The following CAMK1D variants were observed in gnomAD, a reference collection of about 807,000 sequenced individuals.
CAMK1D encodes calcium/calmodulin-dependent protein kinase type 1D.
In CAMK1D, 9 loss-of-function variants were observed where a neutral mutation model predicts 47.7. The ratio of observed to expected loss-of-function variants is 0.19; its 90% CI spans 0.11 to 0.33. The LOEUF (loss-of-function observed/expected upper bound fraction) is 0.33. CAMK1D is among the 10% of genes least tolerant of loss of function. The pLI is 1.00. For missense variants in CAMK1D, 291 were observed against 488.7 expected, an observed-to-expected ratio of 0.60 and a Z score of 3.81; for synonymous variants, 184 against 184.9, an observed-to-expected ratio of 0.99 and a Z score of 0.04.
chr10:12,672,899 T>G (rs1439421744), intron 3 of CAMK1D, among the ~76,000 whole-genome samples: 4 of 147,710 alleles, frequency 2.7e-5, no homozygotes, highest in Non-Finnish European at 4.5e-5. Context: ...GGCTTGCCTT[T>G]TTTTTTTTTT....
chr10:12,786,539 A>AT (rs1415111073), intron 5 of CAMK1D, among the ~76,000 whole-genome samples: 1 of 152,074 alleles, frequency 6.6e-6, no homozygotes, highest in Non-Finnish European at 1.5e-5. Context: ...AATCTTATGT[A>AT]TTTTTTTATT....
chr10:12,817,030 G>A (rs1832827487), intron 8 of CAMK1D, among the ~76,000 whole-genome samples: 1 of 152,110 alleles, frequency 6.6e-6, no homozygotes, highest in Non-Finnish European at 1.5e-5. Context: ...GATGGGAGCA[G>A]GCAAAAAGAG....
At position 12,574,468 on chromosome 10, in the gene CAMK1D, ATTTTTTTTTTTTTT is replaced by A. The variant is rs1171556305; in HGVS notation, c.224+21128_224+21141del. ...AGGTGCACACCACCACGCCTAGCTAATTTTTTTTTTTTTTTTTTTTTTTTTTTTTAGTAGAGACG... is the reference window on the plus strand; with the variant it reads ...AGGTGCACACCACCACGCCTAGCTAATTTTTTTTTTTTTTTAGTAGAGACG... On this transcript the variant is annotated intron_variant, in intron 2 of 10. Transcript: ENST00000619168. Among the ~76,000 whole-genome samples, 16 of 61,378 alleles carry A rather than the reference ATTTTTTTTTTTTTT, an allele frequency of 2.6e-4. 1 individual carries two copies. The highest frequency in any genetic ancestry group is 3.2e-4 in the Non-Finnish European group (11 of 34,776). 40.3% of individuals were successfully genotyped at this position (61,378 alleles called of 152,430 possible).
chr10:12,624,868 G>C (rs1037039638), intron 2 of CAMK1D, among the ~76,000 whole-genome samples: 2 of 151,920 alleles, frequency 1.3e-5, no homozygotes, highest in South Asian at 4.2e-4. Flanking sequence ...CAGCAGGTAG[G>C]GTATCCAGGA....
chr10:12,578,206 C>G (rs899162052), intron 2 of CAMK1D, among the ~76,000 whole-genome samples: 4 of 152,050 alleles, frequency 2.6e-5, no homozygotes, highest in African/African-American at 9.7e-5. Flanking sequence ...TTCCAAGTAG[C>G]TGGGACTACA....
At chr10:12,677,911 G>T (rs1429748880) in intron 3 of CAMK1D, among the ~76,000 whole-genome samples, 1 of 152,110 alleles carries the variant, frequency 6.6e-6, no homozygotes, top group Non-Finnish European at 1.5e-5. Flanking sequence ...AATACCTCTG[G>T]TTGCTACTGC....
intron 2 of CAMK1D, among the ~76,000 whole-genome samples, chr10:12,614,716 C>T (rs72771746): frequency 0.076 from 11,585 of 152,222 alleles, 489 homozygotes; most frequent in Admixed American, 0.13. Flanking sequence ...CCCACCTACT[C>T]CAGGATATCT....
intron 1 of CAMK1D, among the ~76,000 whole-genome samples, chr10:12,471,245 G>T (rs959728218): frequency 2.6e-5 from 4 of 152,192 alleles, no homozygotes; most frequent in Non-Finnish European, 5.9e-5. Context: ...AATCAGCCCT[G>T]CTCTGGATCA....
chr10:12,403,317 G>A (rs987646532), intron 1 of CAMK1D, among the ~76,000 whole-genome samples: 1 of 152,232 alleles, frequency 6.6e-6, no homozygotes, highest in Non-Finnish European at 1.5e-5. Flanking sequence ...TTAGAACACC[G>A]GTTCTGGTTT....
chr10:12,462,910 G>T (rs1439022933), intron 1 of CAMK1D, among the ~76,000 whole-genome samples: 1 of 152,184 alleles, frequency 6.6e-6, no homozygotes, highest in Non-Finnish European at 1.5e-5. Flanking sequence ...CTGCAGTGAA[G>T]TGGTGTTAGT....
chr10:12,732,469 T>G (rs1438286313), intron 3 of CAMK1D, among the ~76,000 whole-genome samples: 1 of 152,048 alleles, frequency 6.6e-6, no homozygotes, highest in Non-Finnish European at 1.5e-5. Context: ...GAGGTTTAAT[T>G]GGACTTACAG....
chr10:12,773,126 GTCTC>G (rs1837117006), intron 5 of CAMK1D, among the ~76,000 whole-genome samples: 1 of 152,156 alleles, frequency 6.6e-6, no homozygotes, highest in South Asian at 2.1e-4. Flanking sequence ...ATCAATCTGT[GTCTC>G]TCACTGCACT....
At chr10:12,415,746 GTTTTT>G (rs148855799) in intron 1 of CAMK1D, among the ~76,000 whole-genome samples, 8 of 139,142 alleles carry the variant, frequency 5.7e-5, no homozygotes, top group Non-Finnish European at 9.4e-5. Context: ...TTAAAATTAC[GTTTTT>G]TTTTTTTTGT....
chr10:12,592,943 C>G (rs1030818388), intron 2 of CAMK1D, among the ~76,000 whole-genome samples: 1 of 152,168 alleles, frequency 6.6e-6, no homozygotes, highest in Non-Finnish European at 1.5e-5. Context: ...CTTTCACATA[C>G]CTCTTAAATG....
chr10:12,626,099 G>A (rs1158684832), intron 2 of CAMK1D, among the ~76,000 whole-genome samples: 1 of 151,964 alleles, frequency 6.6e-6, no homozygotes, highest in African/African-American at 2.4e-5. Flanking sequence ...TTAACATTTT[G>A]TTTTTAACCA....
intron 1 of CAMK1D, among the ~76,000 whole-genome samples, chr10:12,415,654 A>G (rs574573399): frequency 1.2e-3 from 178 of 149,710 alleles, no homozygotes; most frequent in African/African-American, 4.3e-3. Context: ...GTTCATGACT[A>G]TTTTTCAAGG....
rs556499158 is a variant in CAMK1D at position 12,802,345 on chromosome 10, T to C, written c.641+11112T>C. The stretch of plus-strand genomic sequence containing the variant: ...GGAGCATAGCGCTGAAAAAGGCTTC[T>C]CCGTCCTGTTGGGATTTTCTCAGTA... On this transcript the variant is annotated intron_variant, in intron 6 of 10. Coordinates refer to ENST00000619168, the MANE Select transcript of CAMK1D (RefSeq NM_153498.4). Among the ~76,000 whole-genome samples the C allele has an allele frequency of 6.6e-5, 10 of 152,272 alleles. No homozygotes were observed. The South Asian group carries it at 1.7e-3, about 25-fold the overall frequency.
chr10:12,778,121 AC>A (rs1200658285), intron 5 of CAMK1D, among the ~76,000 whole-genome samples: 3 of 152,214 alleles, frequency 2.0e-5, no homozygotes, highest in Non-Finnish European at 4.4e-5. Context: ...TTGAGTTCAG[AC>A]TTTTGATAGG....
intron 1 of CAMK1D, among the ~76,000 whole-genome samples, chr10:12,395,278 C>G (rs1451049056): frequency 6.6e-6 from 1 of 151,634 alleles, no homozygotes; most frequent in Non-Finnish European, 1.5e-5. Context: ...GTCCCAAACC[C>G]TTGGCCTCAA....
Sources: gnomAD v4.1 joint callset for allele counts (sites outside exome capture counted in the v4.1 genomes callset) on GRCh38, gnomAD v4.1.1 for gene constraint, MANE v1.5 for transcripts, NCBI Gene and HGNC (gene_info 2026-07-23, HGNC 2026-07-21) for gene names.